CEP112: variants seen among roughly 807,000 people sequenced by gnomAD.
The protein encoded by CEP112 is centrosomal protein of 112 kDa.
A neutral mutation model predicts 153.0 loss-of-function variants in CEP112; 127 were observed. The observed-to-expected ratio is 0.83, with a 90% confidence interval of 0.72 to 0.96. CEP112 has a LOEUF of 0.96. Ranked by LOEUF, CEP112 falls within the 40% of genes least tolerant of loss-of-function variation. The probability of loss-of-function intolerance (pLI) is 0.00; values close to 1 mark genes in which losing one functional copy is unlikely to be tolerated. For synonymous variants in CEP112, 358 were observed against 374.4 expected, an observed-to-expected ratio of 0.96 and a Z score of 0.51; for missense variants, 1,089 against 1,101.2, an observed-to-expected ratio of 0.99 and a Z score of 0.16.
chr17:65,971,518 CAT>C (rs1390122199), intron 17 of CEP112, among the ~76,000 whole-genome samples: 1 of 149,268 alleles, frequency 6.7e-6, no homozygotes, highest in East Asian at 2.0e-4. Context: ...ATGCACATTA[CAT>C]GTGTATCACC....
At chr17:65,852,707 T>C (rs2058006587) in intron 20 of CEP112, among the ~76,000 whole-genome samples, 1 of 151,908 alleles carries the variant, frequency 6.6e-6, no homozygotes, top group African/African-American at 2.4e-5. Context: ...ATCATCATGT[T>C]CCTGAAATTC....
intron 17 of CEP112, among the ~76,000 whole-genome samples, chr17:65,985,857 T>TC (rs985474156): frequency 3.9e-4 from 59 of 151,592 alleles, no homozygotes; most frequent in Non-Finnish European, 7.4e-4. Flanking sequence ...TGTTTTTTTT[T>TC]TTTTTAAGAA....
chr17:65,902,080 A>G (rs1668076550), intron 20 of CEP112, 72 bp downstream of exon 20: 2 of 1,166,566 alleles, frequency 1.7e-6, no homozygotes, highest in African/African-American at 1.6e-5. Flanking sequence ...AATAAGAATA[A>G]TAAGAAAACA....
intron 24 of CEP112, among the ~76,000 whole-genome samples, chr17:65,649,218 A>C (rs1348989935): frequency 6.6e-6 from 1 of 152,196 alleles, no homozygotes; most frequent in Non-Finnish European, 1.5e-5. Flanking sequence ...AGCTCTGTGC[A>C]ATCAGCTTAG....
At chr17:65,969,913 C>T (rs1380688829) in intron 17 of CEP112, among the ~76,000 whole-genome samples, 1 of 150,546 alleles carries the variant, frequency 6.6e-6, no homozygotes, top group Non-Finnish European at 1.5e-5. Context: ...ATGCATATTA[C>T]ATGCATATCA....
chr17:66,099,130 T>C (rs553915897), intron 6 of CEP112, among the ~76,000 whole-genome samples: 34 of 152,002 alleles, frequency 2.2e-4, no homozygotes, highest in African/African-American at 7.0e-4. Context: ...TGAAGGAAGG[T>C]TGTTCATGAT....
intron 24 of CEP112, among the ~76,000 whole-genome samples, chr17:65,672,143 A>G (rs1464665734): frequency 6.6e-6 from 1 of 152,230 alleles, no homozygotes; most frequent in Non-Finnish European, 1.5e-5. Context: ...CCATTTAGAA[A>G]AAACAAGGGA....
At chr17:65,691,925 A>C (rs552590635) in intron 23 of CEP112, among the ~76,000 whole-genome samples, 10 of 152,184 alleles carry the variant, frequency 6.6e-5, no homozygotes, top group South Asian at 6.2e-4. Context: ...CTTAAACAAC[A>C]CTCCAGCCCC....
At chr17:66,189,596 T>A (rs1234466097) in intron 1 of CEP112, among the ~76,000 whole-genome samples, 1 of 150,186 alleles carries the variant, frequency 6.7e-6, no homozygotes, top group African/African-American at 2.5e-5. Flanking sequence ...AAAAAAAAAC[T>A]AAAGAATCAA....
chr17:65,813,369 C>G (rs1423078563), intron 21 of CEP112, among the ~76,000 whole-genome samples: 3 of 152,110 alleles, frequency 2.0e-5, no homozygotes, highest in Non-Finnish European at 4.4e-5. Flanking sequence ...AATTAGGAAC[C>G]CAATCAGAGC....
At chr17:65,771,191 C>G (rs540940200) in intron 21 of CEP112, among the ~76,000 whole-genome samples, 1 of 151,948 alleles carries the variant, frequency 6.6e-6, no homozygotes, top group Non-Finnish European at 1.5e-5. Flanking sequence ...AAAAGATGTA[C>G]CATGCAAACA....
chr17:65,785,193 A>G (rs2054216025), intron 21 of CEP112, among the ~76,000 whole-genome samples: 1 of 152,162 alleles, frequency 6.6e-6, no homozygotes, highest in South Asian at 2.1e-4. Context: ...CATTGTGTGG[A>G]TATACCACAT....
At chr17:65,709,114 G>C (rs1226300605) in intron 23 of CEP112, among the ~76,000 whole-genome samples, 1 of 152,084 alleles carries the variant, frequency 6.6e-6, no homozygotes. Context: ...GCAGATAAAG[G>C]TCAAAATAAC....
intron 20 of CEP112, among the ~76,000 whole-genome samples, chr17:65,860,592 C>T (rs561534390): frequency 6.6e-6 from 1 of 152,126 alleles, no homozygotes; most frequent in Non-Finnish European, 1.5e-5. Flanking sequence ...AACCTAGAAA[C>T]AGGCTCACAC....
chr17:65,703,104 G>C (rs1158583324), intron 23 of CEP112, among the ~76,000 whole-genome samples: 2 of 152,196 alleles, frequency 1.3e-5, no homozygotes, highest in African/African-American at 4.8e-5. Context: ...GAACCCCTGT[G>C]CATAAGAGGG....
intron 8 of CEP112, among the ~76,000 whole-genome samples, chr17:66,075,823 C>T (rs917636384): frequency 6.6e-6 from 1 of 152,134 alleles, no homozygotes; most frequent in Admixed American, 6.5e-5. Flanking sequence ...ACCCCCAGAC[C>T]CTCTGAAGGA....
chr17:65,916,322 G>GT (rs2143948999), intron 19 of CEP112, among the ~76,000 whole-genome samples: 1 of 150,666 alleles, frequency 6.6e-6, no homozygotes, highest in African/African-American at 2.4e-5. Context: ...GTGGTGGGTA[G>GT]TGGTAGTGTT....
intron 21 of CEP112, among the ~76,000 whole-genome samples, chr17:65,758,847 A>G (rs2052440126): frequency 1.3e-5 from 2 of 152,194 alleles, no homozygotes; most frequent in Admixed American, 6.5e-5. Context: ...CATCTATTTG[A>G]ACCTTCTTGG....
intron 21 of CEP112, among the ~76,000 whole-genome samples, chr17:65,765,581 T>C (rs1322876959): frequency 6.6e-6 from 1 of 152,082 alleles, no homozygotes; most frequent in Non-Finnish European, 1.5e-5. Flanking sequence ...TTAGACCCAA[T>C]ACCAAGAGAG....
Sources: allele counts gnomAD v4.1 joint callset (sites outside exome capture counted in the v4.1 genomes callset), GRCh38; gene constraint gnomAD v4.1.1; transcripts MANE v1.5; gene names NCBI Gene and HGNC (gene_info 2026-07-23, HGNC 2026-07-21).